Variants in FKBP15 observed in about 807,000 individuals in gnomAD.
FKBP15 encodes FK506-binding protein 15.
FKBP15 carries 106 observed loss-of-function variants against 158.1 expected under a neutral mutation model. That is an observed-to-expected ratio of 0.67 (90% confidence interval 0.57 to 0.79). FKBP15 has a LOEUF of 0.79. Ranked by LOEUF, FKBP15 falls within the 30% of genes least tolerant of loss-of-function variation. FKBP15 has a pLI of 0.00. For synonymous variants in FKBP15, 547 were observed against 548.6 expected, an observed-to-expected ratio of 1.00 and a Z score of 0.04; for missense variants, 1,287 against 1,479.1, an observed-to-expected ratio of 0.87 and a Z score of 2.13.
intron 10 of FKBP15, 64 bp from the exon 11 acceptor site, chr9:113,193,613 T>C: frequency 7.5e-7 from 1 of 1,329,378 alleles, no homozygotes; most frequent in Non-Finnish European, 1.1e-6. Flanking sequence ...GTCCAAATTA[T>C]ATTGGATAAG....
chr9:113,182,955 C>T, intron 18 of FKBP15, 87 bp from the exon 19 acceptor site: 6 of 1,052,662 alleles, frequency 5.7e-6, no homozygotes, highest in Non-Finnish European at 8.8e-6. Context: ...GTCCTCACAA[C>T]ATTGCTGCTC....
At chr9:113,175,777 G>T (rs961729039) in intron 21 of FKBP15, among the ~76,000 whole-genome samples, 8 of 152,116 alleles carry the variant, frequency 5.3e-5, no homozygotes, top group Non-Finnish European at 1.0e-4. Flanking sequence ...TTAAATATAT[G>T]AAAGCTTTAC....
chr9:113,218,118 A>G (rs1831177098), intron 1 of FKBP15, among the ~76,000 whole-genome samples: 1 of 151,972 alleles, frequency 6.6e-6, no homozygotes, highest in Admixed American at 6.5e-5. Context: ...ATACTGTATC[A>G]ATGTATTTTA....
At chr9:113,185,394 T>C (rs1830468571) in intron 15 of FKBP15, among the ~76,000 whole-genome samples, 1 of 152,158 alleles carries the variant, frequency 6.6e-6, no homozygotes, top group African/African-American at 2.4e-5. Flanking sequence ...CAGAGGGAGA[T>C]GACAGTTTTG....
intron 6 of FKBP15, among the ~76,000 whole-genome samples, chr9:113,202,057 CTCTT>C (rs1247161374): frequency 2.0e-5 from 3 of 151,822 alleles, no homozygotes; most frequent in Admixed American, 6.6e-5. Flanking sequence ...CTCTTTCTCT[CTCTT>C]TCTTTCTTTT....
intron 10 of FKBP15, 50 bp downstream of exon 10, chr9:113,193,976 GA>G: frequency 6.6e-7 from 1 of 1,522,914 alleles, no homozygotes; most frequent in Non-Finnish European, 8.8e-7. Flanking sequence ...ACCCCTCTAA[GA>G]ATCATTTTTA....
intron 21 of FKBP15, among the ~76,000 whole-genome samples, chr9:113,176,288 A>G (rs1484603506): frequency 3.3e-5 from 5 of 152,238 alleles, no homozygotes; most frequent in Non-Finnish European, 7.3e-5. Context: ...GTCAGTATAC[A>G]TACATGTATG....
intron 19 of FKBP15, among the ~76,000 whole-genome samples, chr9:113,181,531 C>G (rs974681448): frequency 2.6e-5 from 4 of 152,136 alleles, no homozygotes; most frequent in African/African-American, 9.7e-5. Context: ...AGTTCAGATT[C>G]AGGCCCCAGC....
At position 113,163,031 on chromosome 9, in the gene FKBP15, C is replaced by T. The variant is rs1830042236; in HGVS notation, c.*3047G>A. The T allele has an allele frequency of 1.9e-6, 2 of 1,061,832 alleles. No individual in the cohort carries two copies. Among genetic ancestry groups the T allele is most frequent in the Non-Finnish European group, 2.6e-6 (2 of 776,164 alleles). 65.8% of individuals were successfully genotyped at this position (1,061,832 alleles called of 1,614,324 possible). A position where few individuals can be genotyped will look rare whatever the true frequency, so the allele number is the denominator to read the frequency against. The stretch of plus-strand genomic sequence containing the variant: ...GGCTATTCCTCCACCTTATTCCCAG[C>T]CCCTGGAAACTTTGAGCTGAAGCCA... On this transcript the variant is annotated 3_prime_UTR_variant, in exon 28 of 28. Transcript: ENST00000238256.
Position 113,178,627 on chromosome 9 carries a change from T to C in FKBP15, c.2086+3A>G. ...ATCCCAGCATCCCCCACCTAGCACA[T>C]ACCTGAGAGCTTTGCCTGCACTTTG... On this transcript the variant is annotated splice_donor_region_variant and intron_variant, in intron 20 of 27. Coordinates refer to ENST00000238256, the MANE Select transcript of FKBP15 (RefSeq NM_015258.2). 1 of 1,606,748 alleles carries C rather than the reference T, an allele frequency of 6.2e-7. No individual in the cohort carries two copies. The highest frequency in any genetic ancestry group is 8.5e-7 in the Non-Finnish European group (1 of 1,177,060).
At chr9:113,174,708 T>G in intron 21 of FKBP15, 125 bp from the exon 22 acceptor site, 1 of 1,007,032 alleles carries the variant, frequency 9.9e-7, no homozygotes, top group East Asian at 2.7e-5. Flanking sequence ...ATTTTTTAGT[T>G]GAATTTTCCC....
intron 1 of FKBP15, among the ~76,000 whole-genome samples, chr9:113,212,641 T>C (rs1831032271): frequency 6.6e-6 from 1 of 152,194 alleles, no homozygotes. Context: ...AAATAAGATA[T>C]CAATAAATAC....
intron 12 of FKBP15, 102 bp from the exon 13 acceptor site, chr9:113,188,593 G>C (rs1830523158): frequency 1.2e-5 from 11 of 928,738 alleles, no homozygotes; most frequent in Non-Finnish European, 1.6e-5. Context: ...AGGATTTCTA[G>C]GCAAAGAAGA....
intron 18 of FKBP15, 35 bp from the exon 19 acceptor site, chr9:113,182,903 C>A: frequency 6.4e-7 from 1 of 1,560,680 alleles, no homozygotes; most frequent in Middle Eastern, 1.7e-4. Flanking sequence ...AAACATTTAT[C>A]AAGCACTGAG....
Position 113,173,504 on chromosome 9 carries a change from C to T in FKBP15, c.2481G>A (p.Val827=). 8 of 1,614,036 alleles carry T rather than the reference C, an allele frequency of 5.0e-6. No individual in the cohort carries two copies. The highest frequency in any genetic ancestry group is 6.8e-6 in the Non-Finnish European group (8 of 1,179,884). ...KDEHLQQYQE[V]CAQRDAYQQK... Reference sequence around the variant, plus strand: ...GCTGGTAGGCATCTCTCTGTGCGCACACCTCCTGGTACTGCTGCAGGTGCT... The same window carrying T: ...GCTGGTAGGCATCTCTCTGTGCGCATACCTCCTGGTACTGCTGCAGGTGCT... Residue 827 remains valine, a synonymous_variant, in exon 23 of 28, where the codon GTG becomes GTA. Transcript: ENST00000238256.
At chr9:113,193,989 G>A in intron 10 of FKBP15, 38 bp downstream of exon 10, 7 of 1,538,850 alleles carry the variant, frequency 4.5e-6, no homozygotes, top group Admixed American at 2.1e-5. Context: ...TCATTTTTAT[G>A]AGCCATAAAA....
intron 1 of FKBP15, among the ~76,000 whole-genome samples, chr9:113,212,929 G>A (rs1831039954): frequency 6.6e-6 from 1 of 152,140 alleles, no homozygotes; most frequent in South Asian, 2.1e-4. Flanking sequence ...AATGTAACAT[G>A]TCCAAACCAG....
chr9:113,200,695 A>G (rs1830772074), intron 6 of FKBP15, among the ~76,000 whole-genome samples: 1 of 152,128 alleles, frequency 6.6e-6, no homozygotes, highest in Admixed American at 6.6e-5. Context: ...TTGAGACCCA[A>G]TTTTATCAGT....
rs1318376167 is a variant in FKBP15 at position 113,221,229 on chromosome 9, C to T, written c.15G>A (p.Gly5=). 1 of 1,609,070 alleles carries T rather than the reference C, an allele frequency of 6.2e-7. No homozygotes were observed. Among genetic ancestry groups the T allele is most frequent in the Non-Finnish European group, 8.5e-7 (1 of 1,177,880 alleles). MFGA[G]DEDDTDFLSP... is the part of the protein sequence containing the mutation. ...AGAGGAAATCGGTGTCGTCCTCGTCCCCCGCACCGAACATTGCGTTGGCTT... is the reference window on the plus strand; with the variant it reads ...AGAGGAAATCGGTGTCGTCCTCGTCTCCCGCACCGAACATTGCGTTGGCTT... The change falls in exon 1 of 28, where the codon GGG becomes GGA. Residue 5 remains glycine, a synonymous_variant. Transcript: ENST00000238256.
Sources: allele counts gnomAD v4.1 joint callset (sites outside exome capture counted in the v4.1 genomes callset), GRCh38; gene constraint gnomAD v4.1.1; transcripts MANE v1.5; gene names NCBI Gene and HGNC (gene_info 2026-07-23, HGNC 2026-07-21).